The following USP13 variants were observed in gnomAD, a reference collection of about 807,000 sequenced individuals.
USP13 encodes the protein ubiquitin specific peptidase 13.
A neutral mutation model predicts 107.8 loss-of-function variants in USP13; 68 were observed. The observed-to-expected ratio is 0.63, with a 90% CI of 0.52 to 0.77. The LOEUF is 0.77. Ranked by LOEUF, USP13 falls within the 30% of genes least tolerant of loss-of-function variation. USP13 has a pLI of 0.00. For synonymous variants in USP13, 377 were observed against 389.5 expected, an observed-to-expected ratio of 0.97 and a Z score of 0.38; for missense variants, 945 against 1,093.3, an observed-to-expected ratio of 0.86 and a Z score of 1.91.
chr3:179,784,275 C>G lies in USP13; in HGVS notation c.*134C>G. The stretch of plus-strand genomic sequence containing the variant: ...GTATTTATCGTTTATTTAAAGAGCA[C>G]GATCAGTTGACACCTTCTGAAATAG... On this transcript the variant is annotated 3_prime_UTR_variant, in exon 21 of 21. Coordinates refer to ENST00000263966, the MANE Select transcript of USP13 (RefSeq NM_003940.3). 1 of 659,168 alleles carries G rather than the reference C, an allele frequency of 1.5e-6. No individual in the cohort carries two copies. The allele number at this position is 659,168 out of a possible 1,614,324, so 40.8% of individuals were successfully genotyped here.
In USP13 at chr3:179,653,460, A is replaced by G. The variant is rs1720149332; in HGVS notation, c.168+67A>G. ...CTGCGGCACGTGAAGCCGGGGGAGA[A>G]GATGCGCAGTGGCGGCCGGGACCTC... On this transcript the variant is annotated intron_variant, in intron 1 of 20. Transcript: ENST00000263966. This position sits in a 1 kb window ranked among gnomAD's most constrained non-coding sequence, Gnocchi z 4.0. 6.6e-7 allele frequency: 1 copy of G among 1,518,294 alleles called. No individual in the cohort carries two copies. The highest frequency in any genetic ancestry group is 1.4e-5 in the African/African-American group (1 of 71,558). 94.1% of individuals were successfully genotyped at this position (1,518,294 alleles called of 1,614,324 possible). A position where few individuals can be genotyped will look rare whatever the true frequency, so the allele number is the denominator to read the frequency against.
At chr3:179,689,195 T>C (rs897619358) in intron 2 of USP13, among the ~76,000 whole-genome samples, 42 of 152,174 alleles carry the variant, frequency 2.8e-4, no homozygotes, top group African/African-American at 9.9e-4. Flanking sequence ...GAAACATGCT[T>C]TTTTCTAGTA....
chr3:179,689,233 T>C (rs1712014517), intron 2 of USP13, among the ~76,000 whole-genome samples: 1 of 152,152 alleles, frequency 6.6e-6, no homozygotes, highest in South Asian at 2.1e-4. Context: ...TGTGGAAATA[T>C]GGTTTTGGCA....
chr3:179,722,270 GA>G (rs1713353209), intron 8 of USP13, among the ~76,000 whole-genome samples: 1 of 152,074 alleles, frequency 6.6e-6, no homozygotes. Flanking sequence ...TCTTGTGGGG[GA>G]CTGGAATTTC....
intron 13 of USP13, among the ~76,000 whole-genome samples, chr3:179,746,430 A>G: frequency 6.8e-6 from 1 of 146,794 alleles, no homozygotes; most frequent in South Asian, 2.2e-4. Context: ...ATTTTTGTAT[A>G]TTTTTTTTTG....
intron 3 of USP13, among the ~76,000 whole-genome samples, chr3:179,693,478 A>G (rs1197940743): frequency 6.6e-6 from 1 of 151,622 alleles, no homozygotes; most frequent in Non-Finnish European, 1.5e-5. Flanking sequence ...ACAGGAATTC[A>G]TTTTTTGCAA....
At chr3:179,771,251 T>G (rs1341130840) in intron 19 of USP13, among the ~76,000 whole-genome samples, 1 of 152,198 alleles carries the variant, frequency 6.6e-6, no homozygotes, top group Non-Finnish European at 1.5e-5. Context: ...TAGCTAAGTC[T>G]TGTCCCAGAG....
At chr3:179,779,118 G>C (rs1715653204) in intron 19 of USP13, among the ~76,000 whole-genome samples, 1 of 152,076 alleles carries the variant, frequency 6.6e-6, no homozygotes, top group Non-Finnish European at 1.5e-5. Flanking sequence ...GGGGGATGAG[G>C]AGAGGAGGTA....
intron 6 of USP13, among the ~76,000 whole-genome samples, chr3:179,712,442 C>T (rs1159848488): frequency 6.6e-6 from 1 of 152,030 alleles, no homozygotes; most frequent in East Asian, 1.9e-4. Context: ...TTAGTCTTTT[C>T]TCTTTTTTTT....
At chr3:179,744,662 C>A (rs138842186) in intron 12 of USP13, among the ~76,000 whole-genome samples, 1 of 152,142 alleles carries the variant, frequency 6.6e-6, no homozygotes, top group African/African-American at 2.4e-5. Context: ...TACTCTGATG[C>A]GAAGGCCTTG....
intron 18 of USP13, among the ~76,000 whole-genome samples, chr3:179,764,437 A>G (rs1715109532): frequency 6.6e-6 from 1 of 152,180 alleles, no homozygotes; most frequent in Non-Finnish European, 1.5e-5. Context: ...AATGTTTGTT[A>G]ACAGGGGGTC....
rs768568907 is a variant in USP13, at chr3:179,708,870, G to A, written c.718G>A (p.Gly240Arg). The change falls in exon 6 of 21, where the codon GGG (glycine) becomes AGG (arginine). Residue 240 changes from glycine (G) to arginine (R), a missense_variant. Physicochemically the swap from Gly to Arg is moderately radical, Grantham distance 125. Transcript: ENST00000263966. Reference sequence around the variant, plus strand: ...TGGAAAGTGGTTCTTTGACAGCTCTGGGGGCAACGGGCATGCGCTGGAGCA... The same window carrying A: ...TGGAAAGTGGTTCTTTGACAGCTCTAGGGGCAACGGGCATGCGCTGGAGCA... Reference protein sequence around the residue: ...LCGKWFFDSSGGNGHALEHYR... With the variant: ...LCGKWFFDSSRGNGHALEHYR... The A allele has an allele frequency of 1.9e-6, 3 of 1,614,102 alleles. No homozygotes were observed. In the Admixed American group the frequency reaches 5.0e-5, roughly 27 times the overall value.
intron 8 of USP13, among the ~76,000 whole-genome samples, chr3:179,727,052 C>T (rs577204886): frequency 4.6e-5 from 7 of 151,742 alleles, no homozygotes; most frequent in South Asian, 2.1e-4. Flanking sequence ...CTTCCTCATA[C>T]GGTTGCAATG....
intron 1 of USP13, among the ~76,000 whole-genome samples, chr3:179,658,437 C>G (rs764981040): frequency 7.6e-6 from 1 of 130,782 alleles, no homozygotes; most frequent in South Asian, 2.1e-4. Flanking sequence ...GCTAATTCTG[C>G]CCCCCTCCCC....
intron 13 of USP13, 138 bp downstream of exon 13, chr3:179,745,355 A>C (rs1714366256): frequency 4.6e-6 from 5 of 1,093,306 alleles, no homozygotes; most frequent in Middle Eastern, 3.0e-4. Context: ...TATGGTTCAC[A>C]CACCCTAACT....
intron 14 of USP13, among the ~76,000 whole-genome samples, chr3:179,753,370 G>A (rs1292245872): frequency 6.6e-6 from 1 of 152,146 alleles, no homozygotes; most frequent in Non-Finnish European, 1.5e-5. Context: ...TGTGAGCAGG[G>A]GAAGGCAGAG....
rs538008948 is a variant in USP13 at position 179,734,045 on chromosome 3, A to G, written c.1254+3336A>G. 3.9e-5 allele frequency among the ~76,000 whole-genome samples: 6 copies of G among 152,304 alleles called. No homozygotes were observed. The East Asian group carries it at 1.2e-3, about 29-fold the overall frequency. ...AAAGGGGGCGTTTGAAGTTTGCAGA[A>G]TTACCAGGTAGCCCAGTTATGAGGG... On this transcript the variant is annotated intron_variant, in intron 10 of 20. Transcript: ENST00000263966.
chr3:179,785,582 A>G lies in USP13; in HGVS notation c.*1441A>G, dbSNP rs920043452. On this transcript the variant is annotated 3_prime_UTR_variant, in exon 21 of 21. Transcript: ENST00000263966. ...AAGAATTTATTGCTGTCTGTTTAAC[A>G]TGTATTTGTTTGGTTGAAAGGATCT... 3.9e-5 allele frequency: 6 copies of G among 152,198 alleles called. No individual in the cohort carries two copies. Among genetic ancestry groups the G allele is most frequent in the African/African-American group, 1.4e-4 (6 of 41,442 alleles). The allele number at this position is 152,198 out of a possible 1,614,324, so 9.4% of individuals were successfully genotyped here. A position where few individuals can be genotyped will look rare whatever the true frequency, so the allele number is the denominator to read the frequency against.
chr3:179,667,218 T>G (rs1720613426), intron 1 of USP13, among the ~76,000 whole-genome samples: 1 of 151,456 alleles, frequency 6.6e-6, no homozygotes, highest in Non-Finnish European at 1.5e-5. Context: ...TACTCGGTAA[T>G]TCTGCATAAG....
Sources: gnomAD v4.1 joint callset for allele counts (sites outside exome capture counted in the v4.1 genomes callset) on GRCh38, gnomAD v4.1.1 for gene constraint, Gnocchi (gnomAD v3.1) non-coding constraint, MANE v1.5 for transcripts, NCBI Gene and HGNC (gene_info 2026-07-23, HGNC 2026-07-21) for gene names.